COL20A1: variants seen among roughly 807,000 people sequenced by gnomAD.
The protein encoded by COL20A1 is collagen alpha-1(XX) chain.
COL20A1 carries 164 observed loss-of-function variants against 152.9 expected under a neutral mutation model. The ratio of observed to expected loss-of-function variants is 1.07; its 90% CI spans 0.94 to 1.22. The LOEUF is 1.22. Ranked by LOEUF, COL20A1 falls within the 50% of genes most tolerant of loss-of-function variation. COL20A1 has a pLI of 0.00. For synonymous variants in COL20A1, 864 were observed against 756.0 expected (o/e 1.14, Z -2.34); for missense variants, 1,873 against 1,744.8 (o/e 1.07, Z -1.31).
At position 63,306,090 on chromosome 20, in the gene COL20A1, G is replaced by T; in HGVS notation, c.496+51G>T. ...GTCTCCGGGGAGGGAGTGACCTTTG[G>T]TTTCCCACATTTCCCACCATGAGGC... On this transcript the variant is annotated intron_variant, in intron 5 of 35. Transcript: ENST00000358894. The surrounding 1 kb of genome is among the most constrained non-coding windows in gnomAD (Gnocchi z 6.9). 6.7e-7 allele frequency: 1 copy of T among 1,496,218 alleles called. No individual in the cohort carries two copies. The highest frequency in any genetic ancestry group is 2.3e-5 in the East Asian group (1 of 43,544). The allele number at this position is 1,496,218 out of a possible 1,614,324, so 92.7% of individuals were successfully genotyped here.
At position 63,311,936 on chromosome 20, in the gene COL20A1, C is replaced by A; in HGVS notation, c.1684C>A (p.His562Asn). ...TGCAGCCACCCTGGCCCCCCCGAGA[C>A]ACCTGGGCTTCTCAGACGTGAGCCA... ...ARTPTLAPPR[H>N]LGFSDVSHDA... is the part of the protein sequence containing the mutation. Residue 562 changes from histidine to asparagine, a missense_variant, in exon 14 of 36, where the codon CAC becomes AAC. His to Asn is a moderately conservative substitution (Grantham distance 68). Coordinates refer to ENST00000358894, the MANE Select transcript of COL20A1 (RefSeq NM_020882.4). The surrounding 1 kb of genome is among the most constrained non-coding windows in gnomAD (Gnocchi z 4.4). The A allele has an allele frequency of 1.3e-6, 2 of 1,574,738 alleles. No individual in the cohort carries two copies. The highest frequency in any genetic ancestry group is 1.7e-6 in the Non-Finnish European group (2 of 1,163,460).
Position 63,332,695 on chromosome 20 carries a change from T to G in COL20A1, c.*1979T>G, listed in dbSNP as rs756978558. 6.6e-6 allele frequency: 1 copy of G among 152,206 alleles called. No individual in the cohort carries two copies. The highest frequency in any genetic ancestry group is 1.5e-5 in the Non-Finnish European group (1 of 68,032). The allele number at this position is 152,206 out of a possible 1,614,324, so 9.4% of individuals were successfully genotyped here. The stretch of plus-strand genomic sequence containing the variant: ...CTGCCCTACCCCCGCCACGCTGGTG[T>G]GACACCAGTGATGCTCAGCCTCAAA... On this transcript the variant is annotated 3_prime_UTR_variant, in exon 36 of 36. Coordinates refer to ENST00000358894, the MANE Select transcript of COL20A1 (RefSeq NM_020882.4).
chr20:63,324,425 C>T (rs1021017454), intron 27 of COL20A1: 2 of 152,174 alleles, frequency 1.3e-5, no homozygotes, highest in African/African-American at 2.4e-5. Context: ...TAGCATTTGA[C>T]CATTAAAGTG....
rs2068323010 is a variant in COL20A1, at chr20:63,330,761, C to G, written c.*45C>G. ...CCCCGAGGAACGCTGAGCCTTCCTC[C>G]CTGGGTTTGTCTGGACACCGAGAGC... On this transcript the variant is annotated 3_prime_UTR_variant, in exon 36 of 36. Coordinates refer to ENST00000358894, the MANE Select transcript of COL20A1 (RefSeq NM_020882.4). 1 of 152,136 alleles carries G rather than the reference C, an allele frequency of 6.6e-6. No individual in the cohort carries two copies. Among genetic ancestry groups the G allele is most frequent in the Non-Finnish European group, 1.5e-5 (1 of 68,034 alleles). 9.4% of individuals were successfully genotyped at this position (152,136 alleles called of 1,614,324 possible). A position where few individuals can be genotyped will look rare whatever the true frequency, so the allele number is the denominator to read the frequency against.
At chr20:63,322,161 A>G in intron 27 of COL20A1, 50 bp downstream of exon 27, 2 of 1,366,182 alleles carry the variant, frequency 1.5e-6, no homozygotes, top group African/African-American at 3.1e-5. Flanking sequence ...CGTACCTACC[A>G]GAAGAGAACA....
intron 11 of COL20A1, among the ~76,000 whole-genome samples, chr20:63,310,768 CCA>C (rs1216771608): frequency 6.6e-6 from 1 of 152,128 alleles, no homozygotes; most frequent in Non-Finnish European, 1.5e-5. Context: ...TGCTGCTTGT[CCA>C]CAGTGTTCAT....
chr20:63,300,074 C>G (rs1052660494), intron 3 of COL20A1, among the ~76,000 whole-genome samples: 6 of 152,114 alleles, frequency 3.9e-5, no homozygotes, highest in African/African-American at 1.4e-4. Context: ...AGCCACTGTA[C>G]CTGGCCTATC....
chr20:63,316,764 G>A, intron 21 of COL20A1, 73 bp downstream of exon 21: 1 of 1,400,980 alleles, frequency 7.1e-7, no homozygotes, highest in Non-Finnish European at 9.4e-7. Flanking sequence ...GACATGGTGG[G>A]GGGGCGGGCA....
intron 3 of COL20A1, 27 bp downstream of exon 3, chr20:63,298,047 C>T (rs754150559): frequency 1.3e-6 from 2 of 1,520,246 alleles, no homozygotes; most frequent in South Asian, 2.2e-5. Flanking sequence ...CCCAGGCCCC[C>T]TTCCCCATTA....
At chr20:63,318,195 G>A (rs2068109304) in intron 21 of COL20A1, among the ~76,000 whole-genome samples, 1 of 152,176 alleles carries the variant, frequency 6.6e-6, no homozygotes, top group Non-Finnish European at 1.5e-5. Flanking sequence ...GGCCACCCAG[G>A]GTGGACCCCC....
chr20:63,320,924 C>A, intron 25 of COL20A1, 89 bp from the exon 26 acceptor site: 2 of 1,007,540 alleles, frequency 2.0e-6, no homozygotes, highest in Non-Finnish European at 1.5e-6. Context: ...CTCCCTGGAG[C>A]CCAGGTGTCA....
rs2068244410 is a variant in COL20A1 at position 63,326,143 on chromosome 20, C to T, written c.3450C>T (p.Gly1150=). ...EGTAGLPGPP[G]PRGFQGMAGA... ...CTGCTGGCCTGCCTGGACCCCCTGG[C>T]CCCAGGGTAGGCACCGACCTCCCAT... Residue 1150 remains glycine (G), a synonymous_variant, in exon 30 of 36, where the codon GGC becomes GGT. Transcript: ENST00000358894. The T allele has an allele frequency of 1.2e-6, 2 of 1,611,748 alleles. No individual in the cohort carries two copies.
intron 26 of COL20A1, 77 bp downstream of exon 26, chr20:63,321,176 C>G (rs2068157765): frequency 1.1e-6 from 1 of 926,256 alleles, no homozygotes; most frequent in African/African-American, 1.7e-5. Flanking sequence ...GATGTGTAAC[C>G]CAGGCCCTCC....
rs529517062 is a variant in COL20A1 at position 63,311,032 on chromosome 20, G to A, written c.1394-362G>A. On this transcript the variant is annotated intron_variant, in intron 11 of 35. Transcript: ENST00000358894. This position sits in a 1 kb window ranked among gnomAD's most constrained non-coding sequence, Gnocchi z 4.4. ...GCACCCCTAAGCACCCGCCCCCCCA[G>A]CCACCCCAAGCCACCTTCTGTCTCT... Among the ~76,000 whole-genome samples, 1 of 146,094 alleles carries A rather than the reference G, an allele frequency of 6.8e-6. No homozygotes were observed. Among genetic ancestry groups the A allele is most frequent in the Admixed American group, 6.8e-5 (1 of 14,744 alleles).
chr20:63,295,331 C>T, intron 2 of COL20A1, 142 bp downstream of exon 2: 1 of 621,534 alleles, frequency 1.6e-6, no homozygotes, highest in Non-Finnish European at 2.9e-6. Flanking sequence ...GCTCCCACAA[C>T]AAAGGCAAGA....
intron 34 of COL20A1, 43 bp from the exon 35 acceptor site, chr20:63,329,542 C>G: frequency 6.6e-7 from 1 of 1,513,024 alleles, no homozygotes; most frequent in South Asian, 1.2e-5. Context: ...GGCCCCAAGC[C>G]ACTGCATTGC....
Position 63,313,772 on chromosome 20 carries a change from C to G in COL20A1, c.2239C>G (p.Leu747Val). The change falls in exon 18 of 36, where the codon CTG (leucine) becomes GTG (valine). Residue 747 changes from leucine (L) to valine (V), a missense_variant. Physicochemically the swap from Leu to Val is conservative, Grantham distance 32. Coordinates refer to ENST00000358894, the MANE Select transcript of COL20A1 (RefSeq NM_020882.4). This position sits in a 1 kb window ranked among gnomAD's most constrained non-coding sequence, Gnocchi z 5.9. ...STVSRSPPSN[L>V]ALASETPDSL... ...GGTGAGCAGGAGCCCACCCTCCAAC[C>G]TGGCCCTGGCCTCGGAGACCCCCGA... 6.2e-7 allele frequency: 1 copy of G among 1,606,650 alleles called. No individual in the cohort carries two copies. Among genetic ancestry groups the G allele is most frequent in the East Asian group, 2.2e-5 (1 of 44,826 alleles).
chr20:63,321,304 C>G lies in COL20A1; in HGVS notation c.3240+205C>G, dbSNP rs565754754. ...GCCTGGCCCAGCCCCTTCCTTCCCCCAGGCTGGGCCTCCCCTGCGAACCCT... is the reference window on the plus strand; with the variant it reads ...GCCTGGCCCAGCCCCTTCCTTCCCCGAGGCTGGGCCTCCCCTGCGAACCCT... On this transcript the variant is annotated intron_variant, in intron 26 of 35. Coordinates refer to ENST00000358894, the MANE Select transcript of COL20A1 (RefSeq NM_020882.4). Among the ~76,000 whole-genome samples, 5 of 152,298 alleles carry G rather than the reference C, an allele frequency of 3.3e-5. No homozygotes were observed. In the East Asian group the frequency reaches 7.8e-4, roughly 24 times the overall value.
chr20:63,302,422 G>C (rs554312940), intron 3 of COL20A1, among the ~76,000 whole-genome samples: 19 of 152,332 alleles, frequency 1.2e-4, no homozygotes, highest in African/African-American at 4.6e-4. Flanking sequence ...CCAGGTTCAA[G>C]CAGTTCTCCT....
Sources: allele counts gnomAD v4.1 joint callset (sites outside exome capture counted in the v4.1 genomes callset), GRCh38; gene constraint gnomAD v4.1.1; non-coding constraint Gnocchi (gnomAD v3.1); transcripts MANE v1.5; gene names NCBI Gene and HGNC (gene_info 2026-07-23, HGNC 2026-07-21).